Variants in OOSP1 observed in about 807,000 individuals in gnomAD.
The protein encoded by OOSP1 is putative oocyte-secreted protein 1 homolog.
OOSP1 carries 11 observed loss-of-function variants against 5.7 expected under a neutral mutation model. The observed-to-expected ratio is 1.94, with a 90% CI of 1.22 to 3.20. OOSP1 has a LOEUF of 3.20. Ranked by LOEUF, OOSP1 falls within the 30% of genes most tolerant of loss-of-function variation. The probability of loss-of-function intolerance (pLI) is 0.00; values close to 1 mark genes in which losing one functional copy is unlikely to be tolerated. For synonymous variants in OOSP1, 44 were observed against 20.0 expected (o/e 2.20, Z -3.20); for missense variants, 83 against 54.1 (o/e 1.53, Z -1.67).
intron 4 of OOSP1, among the ~76,000 whole-genome samples, chr11:59,948,234 T>C (rs1853907039): frequency 6.6e-6 from 1 of 152,216 alleles, no homozygotes; most frequent in Non-Finnish European, 1.5e-5. Flanking sequence ...ATGTTGATGA[T>C]CCCTGGGAAA....
chr11:59,939,381 A>G lies in OOSP1; in HGVS notation c.76+851A>G, dbSNP rs574328520. On this transcript the variant is annotated intron_variant, in intron 1 of 4. Transcript: ENST00000646685. Reference sequence around the variant, plus strand: ...ATTCTTGTGCCTCAGCCTCCCAAGTAGCTGGCACTGCAGATGTGCACCACC... The same window carrying G: ...ATTCTTGTGCCTCAGCCTCCCAAGTGGCTGGCACTGCAGATGTGCACCACC... 1.1e-4 allele frequency among the ~76,000 whole-genome samples: 16 copies of G among 151,852 alleles called. No homozygotes were observed. In the East Asian group the frequency reaches 3.1e-3, roughly 30 times the overall value.
At chr11:59,947,741 A>G (rs1853900449) in exon 4 of OOSP1, 1 of 398,704 alleles carries the variant, frequency 2.5e-6, no homozygotes, top group Non-Finnish European at 4.4e-6. Context: ...AGTCAGCATC[A>G]TCTTTTAAAT....
At chr11:59,946,964 T>TATCTATC (rs1555022206) in intron 3 of OOSP1, among the ~76,000 whole-genome samples, 4 of 149,590 alleles carry the variant, frequency 2.7e-5, no homozygotes, top group African/African-American at 1.0e-4. Flanking sequence ...TCTATCTATC[T>TATCTATC]ATCTGTCTAT....
chr11:59,949,639 A>G (rs989015203), intron 4 of OOSP1, among the ~76,000 whole-genome samples: 6 of 152,250 alleles, frequency 3.9e-5, no homozygotes, highest in African/African-American at 1.2e-4. Flanking sequence ...CAATGAGTGG[A>G]GTACCTCATC....
intron 3 of OOSP1, among the ~76,000 whole-genome samples, chr11:59,946,229 T>C (rs1429023906): frequency 1.3e-5 from 2 of 152,170 alleles, no homozygotes; most frequent in African/African-American, 4.8e-5. Flanking sequence ...GTGAGGGATC[T>C]AGGTTGCGCA....
At chr11:59,949,270 T>C (rs1853915974) in intron 4 of OOSP1, among the ~76,000 whole-genome samples, 2 of 151,994 alleles carry the variant, frequency 1.3e-5, no homozygotes, top group African/African-American at 4.8e-5. Flanking sequence ...AAAAACATAC[T>C]CTATGGTATT....
intron 4 of OOSP1, among the ~76,000 whole-genome samples, chr11:59,948,536 G>A (rs905175106): frequency 1.3e-5 from 2 of 152,114 alleles, no homozygotes; most frequent in Non-Finnish European, 2.9e-5. Context: ...TTAGTCTCAA[G>A]GATAGAACAT....
At chr11:59,945,987 C>A (rs1438930600) in intron 3 of OOSP1, among the ~76,000 whole-genome samples, 1 of 151,924 alleles carries the variant, frequency 6.6e-6, no homozygotes, top group East Asian at 1.9e-4. Flanking sequence ...TTTTAAAAAA[C>A]CACATCTCCC....
chr11:59,954,934 T>C (rs1474484876), intron 4 of OOSP1, among the ~76,000 whole-genome samples: 2 of 152,086 alleles, frequency 1.3e-5, no homozygotes, highest in African/African-American at 4.8e-5. Flanking sequence ...GTAAAAAAAT[T>C]GTAAGAATTT....
chr11:59,957,068 A>T (rs1032040557), intron 4 of OOSP1, 127 bp from the exon 5 acceptor site: 1 of 389,292 alleles, frequency 2.6e-6, no homozygotes, highest in Non-Finnish European at 4.5e-6. Flanking sequence ...AAAAACAAAT[A>T]TGCCTTTCTG....
At chr11:59,951,985 A>G (rs1853944873) in intron 4 of OOSP1, among the ~76,000 whole-genome samples, 1 of 152,008 alleles carries the variant, frequency 6.6e-6, no homozygotes, top group Non-Finnish European at 1.5e-5. Context: ...GAGAAAAAAT[A>G]TTTTTAACAT....
chr11:59,947,628 A>G (rs144129115), intron 3 of OOSP1, 105 bp from the exon 4 acceptor site: 60 of 395,038 alleles, frequency 1.5e-4, no homozygotes, highest in African/African-American at 1.1e-3. Flanking sequence ...AAATCAATAC[A>G]TCTACTAATA....
chr11:59,957,462 C>CA (rs150481544), exon 5 of OOSP1: 11,276 of 364,404 alleles, frequency 0.031, 1,035 homozygotes, highest in African/African-American at 0.2. Flanking sequence ...ACCTATTTTC[C>CA]AATAAAATTC....
exon 2 of OOSP1, chr11:59,942,900 A>G: frequency 1.4e-6 from 1 of 702,908 alleles, no homozygotes; most frequent in Admixed American, 2.0e-5. Flanking sequence ...TAAACCCACG[A>G]TATTTTACAA....
intron 1 of OOSP1, among the ~76,000 whole-genome samples, chr11:59,939,816 C>T (rs1469870842): frequency 6.7e-6 from 1 of 148,358 alleles, no homozygotes; most frequent in African/African-American, 2.5e-5. Context: ...TTCTCTTTCT[C>T]TTCTTTCTCT....
intron 1 of OOSP1, among the ~76,000 whole-genome samples, chr11:59,942,173 A>G (rs1329712599): frequency 6.6e-6 from 1 of 152,156 alleles, no homozygotes; most frequent in Non-Finnish European, 1.5e-5. Flanking sequence ...AAAATCAAAA[A>G]CAAAAAAACT....
intron 4 of OOSP1, chr11:59,949,018 A>G (rs1287629860): frequency 5.5e-6 from 2 of 366,270 alleles, no homozygotes; most frequent in Admixed American, 4.6e-5. Flanking sequence ...AATAAAGTTT[A>G]TACTACTATA....
chr11:59,944,913 G>T (rs1004758439), intron 2 of OOSP1, among the ~76,000 whole-genome samples: 1 of 152,142 alleles, frequency 6.6e-6, no homozygotes, highest in Non-Finnish European at 1.5e-5. Flanking sequence ...TCTTGAATGT[G>T]AATCACAAAG....
In OOSP1 at chr11:59,942,935, GT is replaced by G. The variant is rs1353280281; in HGVS notation, c.168del (p.Leu57Ter). ...ATTTGTATGTGAACCCCGATGAAGT[GT>G]TTCTAGGAGATGGCTGCCATGTAAC... On this transcript the variant is annotated frameshift_variant, in exon 2 of 5. Transcript: ENST00000646685. LOFTEE classifies it high-confidence loss of function. 2.8e-6 allele frequency: 2 copies of G among 702,952 alleles called. No homozygotes were observed. Among genetic ancestry groups the G allele is most frequent in the South Asian group, 3.0e-5 (2 of 67,594 alleles). The allele number at this position is 702,952 out of a possible 1,614,324, so 43.5% of individuals were successfully genotyped here. A position where few individuals can be genotyped will look rare whatever the true frequency, so the allele number is the denominator to read the frequency against.
Sources: gnomAD v4.1 joint callset for allele counts (sites outside exome capture counted in the v4.1 genomes callset) on GRCh38, gnomAD v4.1.1 for gene constraint, MANE v1.5 for transcripts, NCBI Gene and HGNC (gene_info 2026-07-23, HGNC 2026-07-21) for gene names.